NELL1: variants seen among roughly 807,000 people sequenced by gnomAD.
NELL1 encodes the protein protein kinase C-binding protein NELL1.
A neutral mutation model predicts 107.4 loss-of-function variants in NELL1; 76 were observed. That is an observed-to-expected ratio of 0.71 (90% CI 0.59 to 0.86). NELL1 has a LOEUF of 0.86. Ranked by LOEUF, NELL1 falls within the 40% of genes least tolerant of loss-of-function variation. The pLI is 0.00. For missense variants in NELL1, 1,024 were observed against 1,005.5 expected (o/e 1.02, Z -0.25); for synonymous variants, 353 against 341.2 (o/e 1.03, Z -0.38).
At position 20,881,187 on chromosome 11, in the gene NELL1, G is replaced by A. The variant is rs565964740; in HGVS notation, c.507-4257G>A. 2.8e-4 allele frequency among the ~76,000 whole-genome samples: 43 copies of A among 152,240 alleles called. No individual in the cohort carries two copies. The South Asian group carries it at 8.3e-3, about 29-fold the overall frequency. On this transcript the variant is annotated intron_variant, in intron 4 of 19. Coordinates refer to ENST00000357134, the MANE Select transcript of NELL1 (RefSeq NM_006157.5). Reference sequence around the variant, plus strand: ...TTATTTGAATGAGTTAGGTTTTCACGTTGCTCTATTAGGAAATAAAGAACC... The same window carrying A: ...TTATTTGAATGAGTTAGGTTTTCACATTGCTCTATTAGGAAATAAAGAACC...
At chr11:21,392,439 C>G (rs1319847308) in intron 15 of NELL1, among the ~76,000 whole-genome samples, 1 of 151,770 alleles carries the variant, frequency 6.6e-6, no homozygotes, top group Non-Finnish European at 1.5e-5. Flanking sequence ...CACCTCTTTT[C>G]TAGATTCCAA....
intron 13 of NELL1, among the ~76,000 whole-genome samples, chr11:21,201,123 T>C (rs1857260393): frequency 6.6e-6 from 1 of 152,204 alleles, no homozygotes; most frequent in Non-Finnish European, 1.5e-5. Flanking sequence ...GGCTGTTTTT[T>C]GGTTCCATAT....
chr11:21,229,368 A>G lies in NELL1; in HGVS notation c.1463A>G (p.Asp488Gly). 3.1e-6 allele frequency: 5 copies of G among 1,613,996 alleles called. No homozygotes were observed. The highest frequency in any genetic ancestry group is 4.2e-6 in the Non-Finnish European group (5 of 1,179,904). Residue 488 changes from aspartate (D) to glycine (G), a missense_variant, in exon 14 of 20, where the codon GAT becomes GGT. By Grantham distance (94) the Asp-to-Gly change is moderately conservative. Coordinates refer to ENST00000357134, the MANE Select transcript of NELL1 (RefSeq NM_006157.5). ...TGTGGCAGCGGCCAGCACAACTGTG[A>G]TGAGAATGCCATCTGCACCAACACT... ...DECGSGQHNCDENAICTNTVQ... is the reference protein window; with the variant it reads ...DECGSGQHNCGENAICTNTVQ...
chr11:20,928,436 C>T lies in NELL1; in HGVS notation c.954C>T (p.Ser318=). 3 of 1,614,048 alleles carry T rather than the reference C, an allele frequency of 1.9e-6. No homozygotes were observed. Among genetic ancestry groups the T allele is most frequent in the Non-Finnish European group, 2.5e-6 (3 of 1,179,960 alleles). ...CCCCTCTCAATTGCTCCCCAGACTC[C>T]CTCCCAGTGCACATTGCTGGCCAGT... ...SCPPLNCSPD[S]LPVHIAGQCC... is the part of the protein sequence containing the mutation. The change falls in exon 9 of 20, where the codon TCC becomes TCT. Residue 318 remains serine (S), a synonymous_variant. Coordinates refer to ENST00000357134, the MANE Select transcript of NELL1 (RefSeq NM_006157.5).
At chr11:20,671,570 C>T (rs187691955) in intron 1 of NELL1, among the ~76,000 whole-genome samples, 190 of 152,350 alleles carry the variant, frequency 1.2e-3, no homozygotes, top group Middle Eastern at 3.4e-3. Context: ...CCTCTTTCCA[C>T]TTCCAATCCC....
intron 3 of NELL1, among the ~76,000 whole-genome samples, chr11:20,816,961 T>G (rs1364531401): frequency 6.6e-6 from 1 of 152,188 alleles, no homozygotes; most frequent in Non-Finnish European, 1.5e-5. Flanking sequence ...TTGCATGCAT[T>G]GAAACAACTG....
chr11:20,839,395 A>C (rs888384999), intron 3 of NELL1, among the ~76,000 whole-genome samples: 2 of 152,224 alleles, frequency 1.3e-5, no homozygotes, highest in African/African-American at 2.4e-5. Flanking sequence ...CTACAAGTAA[A>C]AATCACCAGG....
intron 5 of NELL1, among the ~76,000 whole-genome samples, chr11:20,890,385 A>G (rs1849594151): frequency 1.3e-5 from 2 of 152,200 alleles, no homozygotes; most frequent in Non-Finnish European, 1.5e-5. Flanking sequence ...CTGAAACTAG[A>G]CAAACTCACG....
intron 12 of NELL1, among the ~76,000 whole-genome samples, chr11:20,983,590 A>C (rs937580178): frequency 6.6e-6 from 1 of 152,112 alleles, no homozygotes; most frequent in Admixed American, 6.6e-5. Context: ...TTCACCCTAA[A>C]GTCCAGTCGA....
Position 20,917,064 on chromosome 11 carries a change from T to G in NELL1, c.604-1118T>G, listed in dbSNP as rs1379384697. On this transcript the variant is annotated intron_variant, in intron 5 of 19. Coordinates refer to ENST00000357134, the MANE Select transcript of NELL1 (RefSeq NM_006157.5). Reference sequence around the variant, plus strand: ...AAAGAGTTAATTTGCTTTGAAAGACTGAGTAATCTCATCCCAGAGAGAAGT... The same window carrying G: ...AAAGAGTTAATTTGCTTTGAAAGACGGAGTAATCTCATCCCAGAGAGAAGT... Among the ~76,000 whole-genome samples the G allele has an allele frequency of 2.6e-5, 4 of 152,136 alleles. No individual in the cohort carries two copies. The East Asian group carries it at 7.7e-4, about 29-fold the overall frequency.
chr11:21,155,359 A>T (rs1856208698), intron 13 of NELL1, among the ~76,000 whole-genome samples: 1 of 152,070 alleles, frequency 6.6e-6, no homozygotes. Flanking sequence ...GAGTGTAGAG[A>T]TGTATATTTG....
intron 14 of NELL1, among the ~76,000 whole-genome samples, chr11:21,324,289 A>G (rs933713085): frequency 6.6e-6 from 1 of 151,852 alleles, no homozygotes. Flanking sequence ...AGAGCTTTTG[A>G]CTCTATTTTA....
At chr11:20,807,748 C>T (rs1857415343) in intron 3 of NELL1, among the ~76,000 whole-genome samples, 1 of 152,032 alleles carries the variant, frequency 6.6e-6, no homozygotes, top group Admixed American at 6.6e-5. Context: ...ACTGAGCTGG[C>T]ACCCATAATG....
intron 4 of NELL1, among the ~76,000 whole-genome samples, chr11:20,868,202 A>G (rs1444718582): frequency 1.3e-5 from 2 of 152,210 alleles, no homozygotes; most frequent in Non-Finnish European, 2.9e-5. Context: ...AGCAGGAGGC[A>G]TGTTAGAGGT....
chr11:21,473,100 G>T (rs1854224939), intron 15 of NELL1, among the ~76,000 whole-genome samples: 1 of 151,966 alleles, frequency 6.6e-6, no homozygotes, highest in Admixed American at 6.6e-5. Context: ...GCCTATAGAA[G>T]ATCAGAAAAT....
chr11:20,957,235 A>G (rs4131964), intron 11 of NELL1, among the ~76,000 whole-genome samples: 5,152 of 152,290 alleles, frequency 0.034, 282 homozygotes, highest in African/African-American at 0.12. Context: ...CTCTGCCCAA[A>G]GAGACTTGCC....
At chr11:21,125,827 T>C (rs1855474924) in intron 13 of NELL1, among the ~76,000 whole-genome samples, 1 of 152,224 alleles carries the variant, frequency 6.6e-6, no homozygotes, top group Non-Finnish European at 1.5e-5. Flanking sequence ...GGAGGTTACC[T>C]GTGTAGAAAT....
intron 15 of NELL1, among the ~76,000 whole-genome samples, chr11:21,388,132 G>A (rs1305519606): frequency 6.6e-6 from 1 of 151,184 alleles, no homozygotes; most frequent in East Asian, 2.0e-4. Flanking sequence ...TTCTACAGAG[G>A]TGTTCATTTT....
At chr11:21,348,086 C>G (rs1365534320) in intron 14 of NELL1, among the ~76,000 whole-genome samples, 1 of 139,160 alleles carries the variant, frequency 7.2e-6, no homozygotes, top group Non-Finnish European at 1.6e-5. Flanking sequence ...TATTGTTGTG[C>G]AACTTGGGTT....
Sources: allele counts gnomAD v4.1 joint callset (sites outside exome capture counted in the v4.1 genomes callset), GRCh38; gene constraint gnomAD v4.1.1; transcripts MANE v1.5; gene names NCBI Gene and HGNC (gene_info 2026-07-23, HGNC 2026-07-21).